The following CUBN variants were observed in gnomAD, a reference collection of about 807,000 sequenced individuals.
CUBN encodes the protein cubilin.
A neutral mutation model predicts 405.3 loss-of-function variants in CUBN; 282 were observed. The observed-to-expected ratio is 0.70, with a 90% CI of 0.63 to 0.77. The LOEUF (loss-of-function observed/expected upper bound fraction) is 0.77. CUBN is among the 30% of genes least tolerant of loss of function. The pLI is 0.00. For synonymous variants in CUBN, 1,684 were observed against 1,617.0 expected (o/e 1.04, Z -0.99); for missense variants, 4,514 against 4,475.2 (o/e 1.01, Z -0.25).
intron 27 of CUBN, among the ~76,000 whole-genome samples, chr10:17,020,914 G>A (rs75008519): frequency 0.019 from 2,873 of 152,190 alleles, 42 homozygotes; most frequent in Admixed American, 0.036. Context: ...ATAATCATAT[G>A]GCTCTTTATA....
chr10:17,018,871 A>G (rs991722625), intron 28 of CUBN, among the ~76,000 whole-genome samples: 6 of 151,280 alleles, frequency 4.0e-5, no homozygotes, highest in Non-Finnish European at 8.8e-5. Context: ...ACAAACCTTT[A>G]GCTAGACACA....
chr10:16,929,659 C>A (rs1204730209), intron 40 of CUBN, among the ~76,000 whole-genome samples: 2 of 152,162 alleles, frequency 1.3e-5, no homozygotes, highest in Non-Finnish European at 2.9e-5. Context: ...TCGCTGGAAA[C>A]TTTTGCATTC....
intron 56 of CUBN, among the ~76,000 whole-genome samples, chr10:16,883,785 C>G (rs938187017): frequency 2.0e-5 from 3 of 152,084 alleles, no homozygotes; most frequent in Non-Finnish European, 4.4e-5. Flanking sequence ...GGCATTTGTC[C>G]CTTTGGTGTT....
chr10:16,834,511 G>A (rs1433473915), intron 64 of CUBN, among the ~76,000 whole-genome samples: 8 of 152,164 alleles, frequency 5.3e-5, no homozygotes, highest in Non-Finnish European at 1.2e-4. Context: ...TGAGACCAGG[G>A]AGCATTTATT....
At chr10:16,874,204 G>A (rs1017158676) in intron 58 of CUBN, among the ~76,000 whole-genome samples, 170 bp downstream of exon 58, 1 of 152,124 alleles carries the variant, frequency 6.6e-6, no homozygotes, top group East Asian at 1.9e-4. Flanking sequence ...TGTGTGGAGA[G>A]GGGGAGCGTC....
chr10:16,896,006 C>T (rs1296925521), intron 54 of CUBN, among the ~76,000 whole-genome samples: 1 of 152,040 alleles, frequency 6.6e-6, no homozygotes, highest in East Asian at 1.9e-4. Context: ...TTTTTCTGTA[C>T]ATTTCTTCAC....
At chr10:16,914,459 T>C (rs1051558267) in intron 47 of CUBN, among the ~76,000 whole-genome samples, 1 of 151,938 alleles carries the variant, frequency 6.6e-6, no homozygotes, top group Non-Finnish European at 1.5e-5. Context: ...CTCAGGAGCC[T>C]GAGGCAGAAG....
intron 62 of CUBN, among the ~76,000 whole-genome samples, chr10:16,839,933 A>G (rs376852460): frequency 2.6e-5 from 4 of 152,000 alleles, no homozygotes; most frequent in African/African-American, 9.7e-5. Flanking sequence ...GGATGAAGCT[A>G]GAAACCATCA....
In CUBN at chr10:16,876,780, T is replaced by C. The variant is rs145741235; in HGVS notation, c.9106+117A>G. The C allele has an allele frequency of 6.2e-3, 5,789 of 934,982 alleles. 37 individuals are homozygous for C. Among genetic ancestry groups the C allele is most frequent in the South Asian group, 0.017 (1,217 of 72,188 alleles). 57.9% of individuals were successfully genotyped at this position (934,982 alleles called of 1,614,324 possible). On this transcript the variant is annotated intron_variant, in intron 57 of 66. Transcript: ENST00000377833. ...AACCATGAACCTCACTGACAATCTT[T>C]TTCCCTTAAATTCTCTGAATCTTCA...
chr10:16,918,918 C>A, intron 44 of CUBN, 118 bp from the exon 45 acceptor site: 1 of 983,262 alleles, frequency 1.0e-6, no homozygotes, highest in Non-Finnish European at 1.6e-6. Context: ...GCATAAAAAA[C>A]TATGATAGAA....
rs144440300 is a variant in CUBN, at chr10:17,114,119, C to G, written c.791G>C (p.Arg264Thr). 1.3e-4 allele frequency: 214 copies of G among 1,613,752 alleles called. No homozygotes were observed. The highest frequency in any genetic ancestry group is 6.0e-4 in the African/African-American group (45 of 75,056). Residue 264 changes from arginine (R) to threonine (T), a missense_variant, in exon 8 of 67, where the codon AGA becomes ACA. Arg to Thr is a moderately conservative substitution (Grantham distance 71). Coordinates refer to ENST00000377833, the MANE Select transcript of CUBN (RefSeq NM_001081.4). ...CCCGGGCTGGAAGCTGCACTCGTCT[C>G]TGTCCAGCGTGCAGGCAGGGCTGTT... ...SPNSPACTLD[R>T]DECSFQPGPC...
intron 26 of CUBN, among the ~76,000 whole-genome samples, chr10:17,042,879 T>C (rs7101107): frequency 0.022 from 3,277 of 152,266 alleles, 128 homozygotes; most frequent in African/African-American, 0.074. Context: ...CACTTTCAGA[T>C]AATTACATAA....
intron 56 of CUBN, among the ~76,000 whole-genome samples, chr10:16,884,797 G>A (rs1361063481): frequency 6.6e-6 from 1 of 152,134 alleles, no homozygotes; most frequent in African/African-American, 2.4e-5. Context: ...TTTGTAGCCT[G>A]GGATACCACA....
chr10:17,041,004 A>T, intron 27 of CUBN, 29 bp downstream of exon 27: 1 of 1,589,312 alleles, frequency 6.3e-7, no homozygotes, highest in Non-Finnish European at 8.6e-7. Context: ...CTGAAAAAGC[A>T]GTGATCAATC....
At chr10:17,047,721 T>C in intron 22 of CUBN, 118 bp from the exon 23 acceptor site, 2 of 926,198 alleles carry the variant, frequency 2.2e-6, no homozygotes, top group Non-Finnish European at 1.7e-6. Flanking sequence ...TAAGCCATTC[T>C]GGAATGTGCA....
chr10:16,983,470 G>C (rs1437648921), intron 30 of CUBN, among the ~76,000 whole-genome samples: 1 of 152,176 alleles, frequency 6.6e-6, no homozygotes, highest in African/African-American at 2.4e-5. Context: ...GTCCACACTG[G>C]TAAGATGAGG....
intron 45 of CUBN, among the ~76,000 whole-genome samples, chr10:16,917,092 A>C (rs1328258722): frequency 6.6e-6 from 1 of 152,078 alleles, no homozygotes; most frequent in Non-Finnish European, 1.5e-5. Flanking sequence ...GATTACAAGC[A>C]TGAGCCACCA....
At position 17,043,904 on chromosome 10, in the gene CUBN, C is replaced by G. The variant is rs115048360; in HGVS notation, c.3752G>C (p.Ser1251Thr). Residue 1251 changes from serine (S) to threonine (T), a missense_variant, in exon 26 of 67, where the codon AGT becomes ACT. Physicochemically the swap from Ser to Thr is moderately conservative, Grantham distance 58. Around this residue, in one of 5 missense-constraint regions of CUBN, gnomAD observed 242 missense variants for 309.0 expected, o/e 0.78. Coordinates refer to ENST00000377833, the MANE Select transcript of CUBN (RefSeq NM_001081.4). The stretch of plus-strand genomic sequence containing the variant: ...CAGTTTTATAAACATGCTGTCTCCA[C>G]TAGAACGAATAAGAGGGGGTTTCTC... ...GDEKPPLIRSSGDSMFIKLRT... is the reference protein window; with the variant it reads ...GDEKPPLIRSTGDSMFIKLRT... The G allele has an allele frequency of 9.7e-4, 1,559 of 1,613,624 alleles. 14 individuals are homozygous for G. The African/African-American group carries it at 0.019, about 20-fold the overall frequency.
At chr10:16,847,547 T>A (rs541623461) in intron 60 of CUBN, among the ~76,000 whole-genome samples, 3 of 152,236 alleles carry the variant, frequency 2.0e-5, no homozygotes, top group Non-Finnish European at 4.4e-5. Context: ...TTTGTTTACA[T>A]GTCAGTCTCC....
Sources: allele counts gnomAD v4.1 joint callset (sites outside exome capture counted in the v4.1 genomes callset), GRCh38; gene constraint gnomAD v4.1.1; regional missense constraint gnomAD v4.1.1; transcripts MANE v1.5; gene names NCBI Gene and HGNC (gene_info 2026-07-23, HGNC 2026-07-21).